Variants in GATAD2B observed in about 807,000 individuals in gnomAD.
GATAD2B encodes the protein GATA zinc finger domain containing 2B.
GATAD2B carries 8 observed loss-of-function variants against 64.3 expected under a neutral mutation model. That is an observed-to-expected ratio of 0.12 (90% CI 0.07 to 0.22). The LOEUF (loss-of-function observed/expected upper bound fraction) is 0.22. GATAD2B is among the 10% of genes least tolerant of loss of function. The pLI, the probability that GATAD2B is intolerant of heterozygous loss-of-function variation, is 1.00. For missense variants in GATAD2B, 453 were observed against 752.0 expected, an observed-to-expected ratio of 0.60 and a Z score of 4.65; for synonymous variants, 281 against 271.3, an observed-to-expected ratio of 1.04 and a Z score of -0.35.
chr1:153,869,085 G>C (rs570404426), intron 1 of GATAD2B, among the ~76,000 whole-genome samples: 1 of 152,192 alleles, frequency 6.6e-6, no homozygotes, highest in African/African-American at 2.4e-5. Flanking sequence ...CTGAGGTCAA[G>C]AGTTCAAGAC....
chr1:153,892,262 T>C (rs1192500171), intron 1 of GATAD2B, among the ~76,000 whole-genome samples: 1 of 145,612 alleles, frequency 6.9e-6, no homozygotes, highest in Non-Finnish European at 1.5e-5. Context: ...AACTCAAGAG[T>C]AAAACAGGTA....
intron 1 of GATAD2B, chr1:153,853,459 T>C (rs1675978773): frequency 1.8e-5 from 9 of 504,594 alleles, no homozygotes; most frequent in Non-Finnish European, 3.2e-5. Context: ...GAAGCGCCTA[T>C]TTTTTAATAT....
intron 1 of GATAD2B, among the ~76,000 whole-genome samples, chr1:153,856,035 T>C (rs924766504): frequency 5.9e-5 from 9 of 152,324 alleles, no homozygotes; most frequent in African/African-American, 2.2e-4. Flanking sequence ...GTCCTGCTGT[T>C]CCCTGCTACA....
At position 153,842,950 on chromosome 1, in the gene GATAD2B, C is replaced by T. The variant is rs575377075; in HGVS notation, c.-1-14602G>A. 5.0e-5 allele frequency among the ~76,000 whole-genome samples: 7 copies of T among 139,472 alleles called. No individual in the cohort carries two copies. In the South Asian group the frequency reaches 1.6e-3, roughly 32 times the overall value. 91.5% of individuals were successfully genotyped at this position (139,472 alleles called of 152,430 possible). On this transcript the variant is annotated intron_variant, in intron 1 of 10. Transcript: ENST00000368655. ...GATTACAGGCGTGAGCCACCTCGCC[C>T]AGCCTTTTTTTTTTTTTTTTTTGAG...
At chr1:153,877,408 T>C (rs1174468109) in intron 1 of GATAD2B, among the ~76,000 whole-genome samples, 1 of 151,686 alleles carries the variant, frequency 6.6e-6, no homozygotes, top group Non-Finnish European at 1.5e-5. Flanking sequence ...CACTTCAAAA[T>C]TACTCTTCAG....
chr1:153,893,955 TAAAAAAAAAA>T (rs57287798), intron 1 of GATAD2B, among the ~76,000 whole-genome samples: 8 of 68,620 alleles, frequency 1.2e-4, no homozygotes, highest in South Asian at 6.9e-4. Context: ...AGACTCCATC[TAAAAAAAAAA>T]AAAAAAAAAA....
chr1:153,817,904 T>A, intron 5 of GATAD2B, 136 bp downstream of exon 5: 1 of 728,010 alleles, frequency 1.4e-6, no homozygotes, highest in East Asian at 2.8e-5. Context: ...CATGCCATAA[T>A]GGGCCAACAG....
At chr1:153,913,833 T>A (rs2101970483) in intron 1 of GATAD2B, among the ~76,000 whole-genome samples, 1 of 148,872 alleles carries the variant, frequency 6.7e-6, no homozygotes, top group African/African-American at 2.5e-5. Flanking sequence ...GGCAGGAGAA[T>A]GGCGTGAACC....
chr1:153,848,976 C>A (rs984055807), intron 1 of GATAD2B, among the ~76,000 whole-genome samples: 1 of 151,152 alleles, frequency 6.6e-6, no homozygotes, highest in African/African-American at 2.4e-5. Context: ...CAAACAAACC[C>A]CCCCCCTCCC....
At chr1:153,830,845 T>C (rs911764824) in intron 1 of GATAD2B, among the ~76,000 whole-genome samples, 1 of 152,136 alleles carries the variant, frequency 6.6e-6, no homozygotes, top group African/African-American at 2.4e-5. Context: ...GGCACAATCA[T>C]AGCTTATTGC....
In GATAD2B at chr1:153,807,429, G is replaced by C. The variant is rs1674143224; in HGVS notation, c.*2748C>G. 2.0e-5 allele frequency: 3 copies of C among 152,170 alleles called. No homozygotes were observed. The highest frequency in any genetic ancestry group is 1.3e-4 in the Admixed American group (2 of 15,280). The allele number at this position is 152,170 out of a possible 1,614,324, so 9.4% of individuals were successfully genotyped here. ...AGGTGGAAGGTTAACACTTTACCAT[G>C]ATTAGGGAGACCTCACCTCCATCAC... On this transcript the variant is annotated 3_prime_UTR_variant, in exon 11 of 11. Coordinates refer to ENST00000368655, the MANE Select transcript of GATAD2B (RefSeq NM_020699.4).
chr1:153,843,814 C>CACCA (rs1675582968), intron 1 of GATAD2B, among the ~76,000 whole-genome samples: 2 of 120,546 alleles, frequency 1.7e-5, no homozygotes, highest in Non-Finnish European at 3.3e-5. Context: ...CCACCACCAC[C>CACCA]AAAAAAAAAA....
At chr1:153,850,557 C>T (rs1442882403) in intron 1 of GATAD2B, among the ~76,000 whole-genome samples, 5 of 152,260 alleles carry the variant, frequency 3.3e-5, no homozygotes, top group Admixed American at 1.3e-4. Context: ...ACATCAGCCT[C>T]CCAAAATGCT....
intron 1 of GATAD2B, among the ~76,000 whole-genome samples, chr1:153,849,962 A>G (rs1384396775): frequency 6.6e-6 from 1 of 152,040 alleles, no homozygotes; most frequent in Non-Finnish European, 1.5e-5. Context: ...CACTTATTCT[A>G]TGGTCTATAG....
intron 1 of GATAD2B, among the ~76,000 whole-genome samples, chr1:153,837,071 C>T (rs906218317): frequency 8.5e-5 from 13 of 152,166 alleles, no homozygotes; most frequent in Non-Finnish European, 1.8e-4. Context: ...CACTCACAAC[C>T]ATGCCTCCCT....
chr1:153,899,247 G>A (rs1339453050), intron 1 of GATAD2B, among the ~76,000 whole-genome samples: 2 of 151,702 alleles, frequency 1.3e-5, no homozygotes, highest in African/African-American at 4.8e-5. Context: ...AACATGGCGA[G>A]ATCTTGTCTC....
At chr1:153,917,725 G>A (rs1217307533) in intron 1 of GATAD2B, among the ~76,000 whole-genome samples, 1 of 152,110 alleles carries the variant, frequency 6.6e-6, no homozygotes, top group Non-Finnish European at 1.5e-5. Context: ...TACATGCCAG[G>A]CACTGTACTA....
At chr1:153,906,741 G>A (rs1478353544) in intron 1 of GATAD2B, among the ~76,000 whole-genome samples, 1 of 152,172 alleles carries the variant, frequency 6.6e-6, no homozygotes, top group Non-Finnish European at 1.5e-5. Flanking sequence ...AATCATATAT[G>A]TGGATAATGG....
chr1:153,815,910 G>A (rs917653513), intron 7 of GATAD2B, among the ~76,000 whole-genome samples: 24 of 152,026 alleles, frequency 1.6e-4, no homozygotes, highest in Non-Finnish European at 1.3e-4. Flanking sequence ...AAAATTAACC[G>A]GGTGTGGTGC....
Sources: allele counts gnomAD v4.1 joint callset (sites outside exome capture counted in the v4.1 genomes callset), GRCh38; gene constraint gnomAD v4.1.1; transcripts MANE v1.5; gene names NCBI Gene and HGNC (gene_info 2026-07-23, HGNC 2026-07-21).